The following FRMPD4 variants were observed in gnomAD, a reference collection of about 807,000 sequenced individuals.
FRMPD4 encodes FERM and PDZ domain-containing protein 4.
FRMPD4 carries 22 observed loss-of-function variants against 94.1 expected under a neutral mutation model. That is an observed-to-expected ratio of 0.23 (90% confidence interval 0.17 to 0.33). The LOEUF (loss-of-function observed/expected upper bound fraction) is 0.33. FRMPD4 is among the 10% of genes least tolerant of loss of function. The pLI is 1.00. For missense variants in FRMPD4, 1,111 were observed against 1,339.9 expected (o/e 0.83, Z 2.67); for synonymous variants, 631 against 548.6 (o/e 1.15, Z -2.10).
At chrX:12,582,871 C>T (rs2058882737) in intron 2 of FRMPD4, among the ~76,000 whole-genome samples, 1 of 111,998 alleles carries the variant, frequency 8.9e-6, no homozygotes, top group Non-Finnish European at 1.9e-5. Flanking sequence ...GGAATACGGG[C>T]GTGCACAAAA....
At chrX:12,309,288 A>G (rs886756140) in intron 1 of FRMPD4, among the ~76,000 whole-genome samples, 1 of 111,520 alleles carries the variant, frequency 9.0e-6, no homozygotes, top group African/African-American at 3.3e-5. Flanking sequence ...GTCTACATGT[A>G]ACTGTCTCTG....
intron 1 of FRMPD4, among the ~76,000 whole-genome samples, chrX:11,855,806 C>T (rs1293024904): frequency 8.9e-6 from 1 of 111,995 alleles, no homozygotes; most frequent in Admixed American, 9.5e-5. Context: ...AACTTTCCCA[C>T]ATTTTCCTGT....
intron 6 of FRMPD4, 24 bp downstream of exon 6, chrX:12,683,611 G>A (rs1037536206): frequency 1.2e-6 from 1 of 814,014 alleles, no homozygotes; most frequent in Non-Finnish European, 1.9e-6. Context: ...CACCTGCTTT[G>A]TGACTCAGGG....
intron 3 of FRMPD4, among the ~76,000 whole-genome samples, chrX:12,105,215 G>A (rs2055287176): frequency 8.9e-6 from 1 of 111,897 alleles, no homozygotes; most frequent in African/African-American, 3.2e-5. Context: ...AGACATCCCA[G>A]CCCTGCTTTT....
chrX:12,134,555 C>T (rs137863106), upstream of FRMPD4, among the ~76,000 whole-genome samples: 465 of 112,201 alleles, frequency 4.1e-3, no homozygotes, highest in African/African-American at 0.014. Flanking sequence ...AAAGAACCCT[C>T]AGCTGCCAAC....
chrX:12,640,404 T>G (rs748177885), intron 4 of FRMPD4, among the ~76,000 whole-genome samples: 1 of 110,009 alleles, frequency 9.1e-6, no homozygotes, highest in South Asian at 3.9e-4. Flanking sequence ...ATATTTTAAA[T>G]TTTTTCTTCC....
At chrX:12,462,806 T>C (rs1363474742) in intron 1 of FRMPD4, among the ~76,000 whole-genome samples, 1 of 111,139 alleles carries the variant, frequency 9.0e-6, no homozygotes, top group Non-Finnish European at 1.9e-5. Flanking sequence ...CTGGGCAACA[T>C]AGTGAAACCC....
At chrX:12,241,269 A>G (rs2057126705) in intron 1 of FRMPD4, among the ~76,000 whole-genome samples, 1 of 112,472 alleles carries the variant, frequency 8.9e-6, no homozygotes. Flanking sequence ...ACCTTGTCCA[A>G]GTGGGTCACT....
chrX:12,103,262 C>G (rs762364874), intron 3 of FRMPD4, among the ~76,000 whole-genome samples: 38 of 111,850 alleles, frequency 3.4e-4, no homozygotes, highest in African/African-American at 1.1e-3. Flanking sequence ...CCTGGTGTAC[C>G]ATAAACACTC....
intron 3 of FRMPD4, among the ~76,000 whole-genome samples, chrX:12,006,768 G>A (rs1024102707): frequency 8.9e-6 from 1 of 111,837 alleles, no homozygotes; most frequent in Non-Finnish European, 1.9e-5. Flanking sequence ...AAGGATATAA[G>A]GAACTCAAAG....
intron 2 of FRMPD4, among the ~76,000 whole-genome samples, chrX:12,589,067 T>C (rs774493102): frequency 1.9e-4 from 21 of 112,441 alleles, no homozygotes; most frequent in African/African-American, 6.8e-4. Context: ...TGAAGACACA[T>C]TGAAATAATT....
intron 1 of FRMPD4, among the ~76,000 whole-genome samples, chrX:11,823,842 C>T (rs944750271): frequency 3.6e-5 from 4 of 111,431 alleles, no homozygotes; most frequent in African/African-American, 6.5e-5. Context: ...TAAAAACGGG[C>T]GGCAACCCAG....
rs755690298 is a variant in FRMPD4, at chrX:12,346,654, A to G, written c.42-152026A>G. On this transcript the variant is annotated intron_variant, in intron 1 of 16. Coordinates refer to ENST00000675598, the MANE Select transcript of FRMPD4 (RefSeq NM_001368397.1). ...ACAAATAATTTGGAGTCTGCCTCCT[A>G]GATTTGCCAAAAATGGAGCATACTT... 3.6e-5 allele frequency among the ~76,000 whole-genome samples: 4 copies of G among 111,553 alleles called. No individual in the cohort carries two copies. The East Asian group carries it at 1.1e-3, about 31-fold the overall frequency.
At chrX:12,156,517 C>T (rs1424638054) in intron 1 of FRMPD4, among the ~76,000 whole-genome samples, 1 of 111,340 alleles carries the variant, frequency 9.0e-6, no homozygotes, top group African/African-American at 3.3e-5. Flanking sequence ...CAGTGGTTGC[C>T]GTAATGGGGA....
intron 3 of FRMPD4, among the ~76,000 whole-genome samples, chrX:12,075,177 A>T (rs1415150989): frequency 3.6e-5 from 4 of 112,415 alleles, no homozygotes; most frequent in African/African-American, 9.7e-5. Flanking sequence ...ATATATTATA[A>T]TGGTGGATAC....
At chrX:12,509,901 A>C (rs767448227) in intron 2 of FRMPD4, among the ~76,000 whole-genome samples, 2 of 112,148 alleles carry the variant, frequency 1.8e-5, no homozygotes, top group Non-Finnish European at 3.8e-5. Flanking sequence ...GTGTCGTTGC[A>C]GTGTATTTTA....
At chrX:12,534,641 G>A (rs1377354527) in intron 2 of FRMPD4, among the ~76,000 whole-genome samples, 1 of 112,465 alleles carries the variant, frequency 8.9e-6, no homozygotes, top group African/African-American at 3.2e-5. Context: ...GATCATTTTG[G>A]GGCTTTAAGA....
chrX:12,460,896 A>G (rs1386179874), intron 1 of FRMPD4, among the ~76,000 whole-genome samples: 1 of 112,071 alleles, frequency 8.9e-6, no homozygotes, highest in African/African-American at 3.2e-5. Flanking sequence ...TTTTTCAAAT[A>G]AATCCTCTTT....
intron 16 of FRMPD4, among the ~76,000 whole-genome samples, chrX:12,720,078 G>GA (rs773712613): frequency 1.0e-5 from 1 of 97,665 alleles, no homozygotes; most frequent in Admixed American, 1.1e-4. Context: ...AAGAAAGAAA[G>GA]AAAGAGAAAG....
Sources: gnomAD v4.1 joint callset for allele counts (sites outside exome capture counted in the v4.1 genomes callset) on GRCh38, gnomAD v4.1.1 for gene constraint, MANE v1.5 for transcripts, NCBI Gene and HGNC (gene_info 2026-07-23, HGNC 2026-07-21) for gene names.